Variants in PAK1 observed in about 807,000 individuals in gnomAD.
PAK1 encodes serine/threonine-protein kinase PAK 1.
A neutral mutation model predicts 67.4 loss-of-function variants in PAK1; 29 were observed. The ratio of observed to expected loss-of-function variants is 0.43; its 90% CI spans 0.32 to 0.59. The LOEUF (loss-of-function observed/expected upper bound fraction) is 0.59. PAK1 is among the 20% of genes least tolerant of loss of function. PAK1 has a pLI of 0.07. For missense variants in PAK1, 337 were observed against 670.7 expected (o/e 0.50, Z 5.50); for synonymous variants, 223 against 237.4 (o/e 0.94, Z 0.56).
At chr11:77,351,882 T>TC (rs1945301835) in intron 8 of PAK1, among the ~76,000 whole-genome samples, 1 of 149,994 alleles carries the variant, frequency 6.7e-6, no homozygotes, top group South Asian at 2.1e-4. Flanking sequence ...GAAATCTCAT[T>TC]TTTTTTTTAT....
intron 2 of PAK1, among the ~76,000 whole-genome samples, chr11:77,382,420 C>G (rs1371208614): frequency 6.6e-6 from 1 of 152,138 alleles, no homozygotes; most frequent in Admixed American, 6.6e-5. Flanking sequence ...GGAATGCTCT[C>G]TTCTCCTTCT....
At chr11:77,466,064 C>T (rs1382865530) in intron 1 of PAK1, among the ~76,000 whole-genome samples, 4 of 152,176 alleles carry the variant, frequency 2.6e-5, no homozygotes, top group African/African-American at 9.7e-5. Flanking sequence ...TGGCAATTTA[C>T]ATTTTGTTCC....
intron 8 of PAK1, among the ~76,000 whole-genome samples, chr11:77,351,669 G>C (rs1367324268): frequency 6.6e-6 from 1 of 151,700 alleles, no homozygotes; most frequent in East Asian, 1.9e-4. Context: ...TAACAGATGT[G>C]AACTGTAGAA....
At chr11:77,488,979 TA>T in the PAK1 span, among the ~76,000 whole-genome samples, 1 of 151,996 alleles carries the variant, frequency 6.6e-6, no homozygotes, top group Admixed American at 6.5e-5. Context: ...TTAGCCCAAA[TA>T]AAACTACCTT....
the PAK1 span, among the ~76,000 whole-genome samples, chr11:77,528,402 C>A: frequency 6.6e-6 from 1 of 151,390 alleles, no homozygotes; most frequent in Non-Finnish European, 1.5e-5. Context: ...CTCTGTTGCC[C>A]AGGCTGGAAT....
At chr11:77,343,264 A>G (rs1161122964) in intron 10 of PAK1, among the ~76,000 whole-genome samples, 4 of 28 alleles carry the variant, frequency 0.14, no homozygotes, top group African/African-American at 0.25. Flanking sequence ...AAGCTTACGT[A>G]AAAAAAAAAA....
intron 1 of PAK1, among the ~76,000 whole-genome samples, chr11:77,436,003 C>CA (rs1465095243): frequency 6.6e-6 from 1 of 152,166 alleles, no homozygotes; most frequent in East Asian, 1.9e-4. Flanking sequence ...CATAGGCACT[C>CA]AGAGTGCAGT....
chr11:77,344,776 C>T (rs1944149986), intron 9 of PAK1, among the ~76,000 whole-genome samples: 1 of 152,178 alleles, frequency 6.6e-6, no homozygotes, highest in African/African-American at 2.4e-5. Flanking sequence ...GATTAATTTT[C>T]CCCCACAGTA....
intron 1 of PAK1, among the ~76,000 whole-genome samples, chr11:77,420,641 A>G (rs2138180180): frequency 6.6e-6 from 1 of 152,366 alleles, no homozygotes; most frequent in South Asian, 2.1e-4. Flanking sequence ...TCTACGGTCC[A>G]ACCACTTCTC....
chr11:77,520,541 C>T, the PAK1 span, among the ~76,000 whole-genome samples: 1 of 152,134 alleles, frequency 6.6e-6, no homozygotes, highest in Non-Finnish European at 1.5e-5. Context: ...TACCCTCTTG[C>T]CAGCATGTCA....
the PAK1 span, among the ~76,000 whole-genome samples, chr11:77,517,574 G>A: frequency 6.6e-6 from 1 of 152,308 alleles, no homozygotes; most frequent in South Asian, 2.1e-4. Context: ...CCGGTTTCAT[G>A]GAAGACGATG....
the PAK1 span, among the ~76,000 whole-genome samples, chr11:77,503,410 G>T: frequency 6.6e-6 from 1 of 152,272 alleles, no homozygotes; most frequent in Non-Finnish European, 1.5e-5. Context: ...CCCTGGATGG[G>T]TTGGTGGCGG....
At chr11:77,397,709 C>T (rs971175968) in intron 1 of PAK1, among the ~76,000 whole-genome samples, 5 of 152,236 alleles carry the variant, frequency 3.3e-5, no homozygotes, top group Non-Finnish European at 5.9e-5. Flanking sequence ...TCTTATTACC[C>T]TGGATTCCAC....
the PAK1 span, among the ~76,000 whole-genome samples, chr11:77,527,790 C>T: frequency 2.0e-5 from 3 of 152,184 alleles, no homozygotes; most frequent in Non-Finnish European, 4.4e-5. Flanking sequence ...TTCATTATCA[C>T]CCAGAGTCAA....
chr11:77,327,059 T>C (rs2136001606), intron 14 of PAK1, among the ~76,000 whole-genome samples: 1 of 151,894 alleles, frequency 6.6e-6, no homozygotes, highest in East Asian at 1.9e-4. Flanking sequence ...ATGAATGAAA[T>C]GAAGCGAGAA....
At chr11:77,369,089 G>GT (rs879316521) in intron 5 of PAK1, among the ~76,000 whole-genome samples, 10 of 152,138 alleles carry the variant, frequency 6.6e-5, no homozygotes, top group Non-Finnish European at 1.3e-4. Context: ...AGATACTGCT[G>GT]TTTTTTCCAC....
chr11:77,432,003 G>GT (rs541049529), intron 1 of PAK1, among the ~76,000 whole-genome samples: 5 of 151,890 alleles, frequency 3.3e-5, no homozygotes, highest in South Asian at 4.2e-4. Flanking sequence ...GCCTGTGTGG[G>GT]TTTTTTTTGT....
chr11:77,465,649 A>C (rs1335623392), intron 1 of PAK1, among the ~76,000 whole-genome samples: 1 of 152,152 alleles, frequency 6.6e-6, no homozygotes, highest in Non-Finnish European at 1.5e-5. Context: ...TGAGAAAATA[A>C]GTGGGAGGGA....
intron 12 of PAK1, among the ~76,000 whole-genome samples, chr11:77,336,853 C>CGATTGAGAAGGTAGGGAA (rs1942776574): frequency 6.6e-6 from 1 of 151,912 alleles, no homozygotes; most frequent in African/African-American, 2.4e-5. Flanking sequence ...CATTATATTG[C>CGATTGAGAAGGTAGGGAA]AATTATAAAT....
Sources: gnomAD v4.1 joint callset for allele counts (sites outside exome capture counted in the v4.1 genomes callset) on GRCh38, gnomAD v4.1.1 for gene constraint, MANE v1.5 for transcripts, NCBI Gene and HGNC (gene_info 2026-07-23, HGNC 2026-07-21) for gene names.